The following SNPH variants were observed in gnomAD, a reference collection of about 807,000 sequenced individuals.
The protein encoded by SNPH is syntaphilin.
SNPH carries 10 observed loss-of-function variants against 36.8 expected under a neutral mutation model. The ratio of observed to expected loss-of-function variants is 0.27; its 90% CI spans 0.17 to 0.46. SNPH has a LOEUF of 0.46. Among genes scored for constraint, SNPH ranks in the 20% least tolerant of loss-of-function variants. The pLI, the probability that SNPH is intolerant of heterozygous loss-of-function variation, is 1.00. For missense variants in SNPH, 622 were observed against 744.0 expected (o/e 0.84, Z 1.91); for synonymous variants, 281 against 312.2 (o/e 0.90, Z 1.05).
In SNPH at chr20:1,276,540, C is replaced by T. The variant is rs188783291; in HGVS notation, c.-493+9780C>T. Among the ~76,000 whole-genome samples the T allele has an allele frequency of 5.3e-5, 8 of 152,240 alleles. No individual in the cohort carries two copies. Among genetic ancestry groups the T allele is most frequent in the African/African-American group, 1.7e-4 (7 of 41,526 alleles). On this transcript the variant is annotated intron_variant, in intron 2 of 6. Transcript: ENST00000381867. The surrounding 1 kb of genome is among the most constrained non-coding windows in gnomAD (Gnocchi z 4.6). Reference sequence around the variant, plus strand: ...GTAAAAATGGGCATCATAATCATAACGTAGGCCTCCTGACAGCAAAGCTGG... The same window carrying T: ...GTAAAAATGGGCATCATAATCATAATGTAGGCCTCCTGACAGCAAAGCTGG...
At chr20:1,292,407 C>T (rs1212363057) in intron 2 of SNPH, among the ~76,000 whole-genome samples, 1 of 152,236 alleles carries the variant, frequency 6.6e-6, no homozygotes, top group Non-Finnish European at 1.5e-5. Context: ...TAAGCACCCA[C>T]ATCAAGAGCT....
Position 1,294,486 on chromosome 20 carries a change from CCAGGAGGCCCTG to C in SNPH, c.-492-463_-492-452del, listed in dbSNP as rs2088403439. 6.6e-6 allele frequency among the ~76,000 whole-genome samples: 1 copy of C among 152,230 alleles called. No homozygotes were observed. Among genetic ancestry groups the C allele is most frequent in the Non-Finnish European group, 1.5e-5 (1 of 68,050 alleles). On this transcript the variant is annotated intron_variant, in intron 2 of 6. Transcript: ENST00000381867. The surrounding 1 kb of genome is among the most constrained non-coding windows in gnomAD (Gnocchi z 4.4). ...TGCTCTAGGGGCCAGCCCTACAGTTCCAGGAGGCCCTGCCTGGGTGACTGGGGCATAATGAGT... is the reference window on the plus strand; with the variant it reads ...TGCTCTAGGGGCCAGCCCTACAGTTCCCTGGGTGACTGGGGCATAATGAGT...
At chr20:1,268,224 CTG>C (rs1481512683) in intron 2 of SNPH, among the ~76,000 whole-genome samples, 1 of 152,228 alleles carries the variant, frequency 6.6e-6, no homozygotes, top group Non-Finnish European at 1.5e-5. Flanking sequence ...CCAAGGAGGA[CTG>C]TAGCCCAGCA....
In SNPH at chr20:1,266,768, G is replaced by C; in HGVS notation, c.-493+8G>C. ...GAGGGCCAGTGGACTCAGGTGAGGA[G>C]GCCGCGGCGGAGCGGGGAGCTGGCC... On this transcript the variant is annotated splice_region_variant and intron_variant, in intron 2 of 6. Coordinates refer to ENST00000381867, the MANE Select transcript of SNPH (RefSeq NM_001318234.2). The surrounding 1 kb of genome is among the most constrained non-coding windows in gnomAD (Gnocchi z 6.0). The C allele has an allele frequency of 7.4e-7, 1 of 1,349,708 alleles. No homozygotes were observed. Among genetic ancestry groups the C allele is most frequent in the Non-Finnish European group, 9.5e-7 (1 of 1,050,732 alleles). 83.6% of individuals were successfully genotyped at this position (1,349,708 alleles called of 1,614,324 possible). A position where few individuals can be genotyped will look rare whatever the true frequency, so the allele number is the denominator to read the frequency against.
At chr20:1,278,110 TTG>T (rs1206446894) in intron 2 of SNPH, among the ~76,000 whole-genome samples, 10 of 117,638 alleles carry the variant, frequency 8.5e-5, no homozygotes, top group African/African-American at 3.9e-4. Context: ...GTGTGTCTGT[TTG>T]TGTGTGTATC....
At position 1,305,793 on chromosome 20, in the gene SNPH, G is replaced by C. The variant is rs749477348; in HGVS notation, c.1356G>C (p.Glu452Asp). Residue 452 changes from glutamate (E) to aspartate (D), a missense_variant, in exon 7 of 7, where the codon GAG (glutamate) becomes GAC (aspartate). Physicochemically the swap from Glu to Asp is conservative, Grantham distance 45. This residue lies in a region of SNPH where 379 missense variants were observed against 427.9 expected (regional missense o/e 0.89). Coordinates refer to ENST00000381867, the MANE Select transcript of SNPH (RefSeq NM_001318234.2). ...VSVVCPMEEE[E>D]EAAVAEKEPK... Reference sequence around the variant, plus strand: ...TGGTGTGCCCCATGGAAGAGGAGGAGGAGGCTGCCGTGGCTGAGAAGGAGC... The same window carrying C: ...TGGTGTGCCCCATGGAAGAGGAGGACGAGGCTGCCGTGGCTGAGAAGGAGC... 1.2e-6 allele frequency: 2 copies of C among 1,603,550 alleles called. No individual in the cohort carries two copies. The highest frequency in any genetic ancestry group is 2.2e-5 in the South Asian group (2 of 89,822).
Position 1,266,545 on chromosome 20 carries a change from G to A in SNPH, c.-599-109G>A. 1.5e-6 allele frequency: 2 copies of A among 1,365,520 alleles called. No homozygotes were observed. The highest frequency in any genetic ancestry group is 1.5e-5 in the African/African-American group (1 of 65,034). 84.6% of individuals were successfully genotyped at this position (1,365,520 alleles called of 1,614,324 possible). ...ACCCGGCAGGCAGCCTGCCCTCCAA[G>A]CCTTCTGGCTGCAGCGGCCCAGCTG... On this transcript the variant is annotated intron_variant, in intron 1 of 6. Transcript: ENST00000381867. The surrounding 1 kb of genome is among the most constrained non-coding windows in gnomAD (Gnocchi z 6.0).
At chr20:1,280,333 T>C (rs1325857997) in intron 2 of SNPH, among the ~76,000 whole-genome samples, 1 of 152,250 alleles carries the variant, frequency 6.6e-6, no homozygotes, top group East Asian at 1.9e-4. Context: ...GCTCTAGCTG[T>C]GAATTCTGTC....
At chr20:1,297,384 T>C in intron 5 of SNPH, 132 bp downstream of exon 5, 1 of 705,096 alleles carries the variant, frequency 1.4e-6, no homozygotes, top group East Asian at 2.8e-5. Flanking sequence ...CGTGTGACCT[T>C]GAGCAGATCA....
Position 1,301,122 on chromosome 20 carries a change from G to A in SNPH, c.440+411G>A, listed in dbSNP as rs78642485. Reference sequence around the variant, plus strand: ...GAGAAACAACTCTTTATCCTTCCTCGCTTCCTCCTGAGTGAGTCACCAGAG... The same window carrying A: ...GAGAAACAACTCTTTATCCTTCCTCACTTCCTCCTGAGTGAGTCACCAGAG... On this transcript the variant is annotated intron_variant, in intron 6 of 6. Coordinates refer to ENST00000381867, the MANE Select transcript of SNPH (RefSeq NM_001318234.2). 2.5e-3 allele frequency among the ~76,000 whole-genome samples: 380 copies of A among 152,224 alleles called. 2 individuals carry two copies. Among genetic ancestry groups the A allele is most frequent in the African/African-American group, 8.4e-3 (350 of 41,528 alleles).
chr20:1,288,041 C>T (rs2088304552), intron 2 of SNPH, among the ~76,000 whole-genome samples: 1 of 152,196 alleles, frequency 6.6e-6, no homozygotes, highest in Non-Finnish European at 1.5e-5. Flanking sequence ...CAGTGTTCCC[C>T]CTACTACTCC....
In SNPH at chr20:1,276,605, A is replaced by G. The variant is rs2088134502; in HGVS notation, c.-493+9845A>G. On this transcript the variant is annotated intron_variant, in intron 2 of 6. Coordinates refer to ENST00000381867, the MANE Select transcript of SNPH (RefSeq NM_001318234.2). The surrounding 1 kb of genome is among the most constrained non-coding windows in gnomAD (Gnocchi z 4.6). ...TAGATTAGAAATCTTCTATGTGTAA[A>G]GCCCCTACCTAGCCCAGGGGCTTTA... Among the ~76,000 whole-genome samples the G allele has an allele frequency of 6.6e-6, 1 of 152,222 alleles. No homozygotes were observed. The highest frequency in any genetic ancestry group is 6.5e-5 in the Admixed American group (1 of 15,292).
rs201060812 is a variant in SNPH, at chr20:1,305,367, G to A, written c.930G>A (p.Ser310=). ...TGGAAGCCAGCAGCCTGCTGTCGTC[G>A]GGGGTGGACTGTGGCACCGAGGAGA... ...DALEASSLLS[S]GVDCGTEETS... is the part of the protein sequence containing the mutation. Residue 310 remains serine (S), a synonymous_variant, in exon 7 of 7, where the codon TCG becomes TCA. Coordinates refer to ENST00000381867, the MANE Select transcript of SNPH (RefSeq NM_001318234.2). The A allele has an allele frequency of 2.5e-5, 40 of 1,612,500 alleles. No homozygotes were observed. Among genetic ancestry groups the A allele is most frequent in the Admixed American group, 8.3e-5 (5 of 60,012 alleles).
intron 2 of SNPH, among the ~76,000 whole-genome samples, chr20:1,279,536 C>T (rs1298575661): frequency 2.6e-5 from 4 of 151,380 alleles, no homozygotes; most frequent in African/African-American, 7.3e-5. Context: ...CAGAGGGCCT[C>T]GTGGAAGTTT....
Position 1,296,172 on chromosome 20 carries a change from T to C in SNPH, c.-68T>C. 7.4e-7 allele frequency: 1 copy of C among 1,355,072 alleles called. No homozygotes were observed. Among genetic ancestry groups the C allele is most frequent in the Non-Finnish European group, 9.8e-7 (1 of 1,020,184 alleles). The allele number at this position is 1,355,072 out of a possible 1,614,324, so 83.9% of individuals were successfully genotyped here. ...GCACCAGCCCTATTCAATTCACTGGTGGAGGCAGCCGTGGTCTGCCAGGCC... is the reference window on the plus strand; with the variant it reads ...GCACCAGCCCTATTCAATTCACTGGCGGAGGCAGCCGTGGTCTGCCAGGCC... On this transcript the variant is annotated 5_prime_UTR_variant, in exon 4 of 7. Coordinates refer to ENST00000381867, the MANE Select transcript of SNPH (RefSeq NM_001318234.2).
intron 2 of SNPH, among the ~76,000 whole-genome samples, chr20:1,284,558 G>A (rs892104761): frequency 1.3e-5 from 2 of 152,222 alleles, no homozygotes; most frequent in African/African-American, 4.8e-5. Flanking sequence ...GCTGTAGGAG[G>A]AGGGGTTGTA....
At chr20:1,301,450 G>C (rs1315485860) in intron 6 of SNPH, among the ~76,000 whole-genome samples, 1 of 151,962 alleles carries the variant, frequency 6.6e-6, no homozygotes, top group Non-Finnish European at 1.5e-5. Context: ...CCAAGGTGCT[G>C]TGTGGGGCTG....
chr20:1,287,826 G>C (rs1266581255), intron 2 of SNPH, among the ~76,000 whole-genome samples: 1 of 152,214 alleles, frequency 6.6e-6, no homozygotes, highest in Non-Finnish European at 1.5e-5. Context: ...GCCGGACTGA[G>C]GCTTGACAGC....
intron 6 of SNPH, among the ~76,000 whole-genome samples, chr20:1,301,241 A>C (rs1481606668): frequency 1.3e-5 from 2 of 152,124 alleles, no homozygotes; most frequent in South Asian, 2.1e-4. Context: ...GCTCCTCCCC[A>C]GCCCAGGTGT....
Sources: gnomAD v4.1 joint callset for allele counts (sites outside exome capture counted in the v4.1 genomes callset) on GRCh38, gnomAD v4.1.1 for gene constraint, gnomAD v4.1.1 regional missense constraint, Gnocchi (gnomAD v3.1) non-coding constraint, MANE v1.5 for transcripts, NCBI Gene and HGNC (gene_info 2026-07-23, HGNC 2026-07-21) for gene names.